The following PTPRD variants were observed in gnomAD, a reference collection of about 807,000 sequenced individuals.
The protein encoded by PTPRD is protein tyrosine phosphatase receptor type D.
A neutral mutation model predicts 214.5 loss-of-function variants in PTPRD; 34 were observed. That is an observed-to-expected ratio of 0.16 (90% confidence interval 0.12 to 0.21). The LOEUF (loss-of-function observed/expected upper bound fraction) is 0.21, where lower values mean the gene tolerates loss of function less well. Ranked by LOEUF, PTPRD falls within the 10% of genes least tolerant of loss-of-function variation. The pLI is 1.00. For missense variants in PTPRD, 2,545 were observed against 2,398.7 expected, an observed-to-expected ratio of 1.06 and a Z score of -1.27; for synonymous variants, 1,128 against 845.7, an observed-to-expected ratio of 1.33 and a Z score of -5.79.
At chr9:8,640,733 A>AC (rs997957748) in intron 12 of PTPRD, among the ~76,000 whole-genome samples, 38 of 151,884 alleles carry the variant, frequency 2.5e-4, no homozygotes, top group Middle Eastern at 6.8e-3. Flanking sequence ...GGCCTCACTG[A>AC]CAAGAAAATC....
chr9:8,512,588 T>C (rs944456569), intron 21 of PTPRD, among the ~76,000 whole-genome samples: 3 of 152,000 alleles, frequency 2.0e-5, no homozygotes, highest in Admixed American at 6.6e-5. Context: ...ACTTTTGCAA[T>C]GCCCAGAATT....
At chr9:10,130,874 C>A (rs2098866337) in intron 3 of PTPRD, among the ~76,000 whole-genome samples, 1 of 152,218 alleles carries the variant, frequency 6.6e-6, no homozygotes, top group South Asian at 2.1e-4. Context: ...AAACAAGGCT[C>A]TCAGACCTTC....
intron 11 of PTPRD, among the ~76,000 whole-genome samples, chr9:8,963,430 G>A (rs2099169064): frequency 6.6e-6 from 1 of 151,998 alleles, no homozygotes; most frequent in Non-Finnish European, 1.5e-5. Flanking sequence ...TTTTGTATGT[G>A]TTATATTTCA....
chr9:10,010,596 G>T (rs1317759514), intron 4 of PTPRD, among the ~76,000 whole-genome samples: 1 of 151,708 alleles, frequency 6.6e-6, no homozygotes, highest in African/African-American at 2.4e-5. Flanking sequence ...CAGGCAAGTT[G>T]TATACTCAAC....
chr9:10,045,889 T>C (rs1567290173), intron 3 of PTPRD, among the ~76,000 whole-genome samples: 1 of 151,770 alleles, frequency 6.6e-6, no homozygotes, highest in African/African-American at 2.4e-5. Context: ...ATCACAATTG[T>C]ATGATACCTC....
At position 8,571,262 on chromosome 9, in the gene PTPRD, G is replaced by T. The variant is rs550852090; in HGVS notation, c.353-42483C>A. 2.6e-5 allele frequency among the ~76,000 whole-genome samples: 4 copies of T among 152,128 alleles called. No homozygotes were observed. In the South Asian group the frequency reaches 8.3e-4, roughly 32 times the overall value. On this transcript the variant is annotated intron_variant, in intron 14 of 45. Transcript: ENST00000381196. ...CTTACTGTGCCTTGTGAATACTTAA[G>T]AGTTTAGGGTCTCCCTTAAGAGGCA...
chr9:8,494,791 C>T (rs905871942), intron 26 of PTPRD, among the ~76,000 whole-genome samples: 2 of 152,200 alleles, frequency 1.3e-5, no homozygotes, highest in African/African-American at 2.4e-5. Context: ...CGGCTGGACA[C>T]ACCTCCAACT....
At position 8,454,078 on chromosome 9, in the gene PTPRD, T is replaced by C. The variant is rs188835412; in HGVS notation, c.3876-4241A>G. On this transcript the variant is annotated intron_variant, in intron 33 of 45. Transcript: ENST00000381196. ...TTTTAGCTATTATTATTGCTCTTAT[T>C]ATTCAAGACTGGGAGACATGGATAA... Among the ~76,000 whole-genome samples the C allele has an allele frequency of 1.4e-4, 22 of 152,330 alleles. 1 individual carries two copies. The highest frequency in any genetic ancestry group is 4.6e-4 in the African/African-American group (19 of 41,568).
At chr9:9,372,928 A>G (rs1036973923) in intron 9 of PTPRD, among the ~76,000 whole-genome samples, 13 of 152,188 alleles carry the variant, frequency 8.5e-5, no homozygotes, top group East Asian at 5.8e-4. Context: ...AGAGTAATGC[A>G]CACTCTCCAT....
Position 10,602,085 on chromosome 9 carries a change from G to A in PTPRD, c.-600+10313C>T, listed in dbSNP as rs78265069. Among the ~76,000 whole-genome samples the A allele has an allele frequency of 2.6e-5, 4 of 151,766 alleles. No individual in the cohort carries two copies. In the East Asian group the frequency reaches 7.8e-4, roughly 30 times the overall value. Reference sequence around the variant, plus strand: ...TTCTATTTTATATATTTTAACTTCCGATTTTTGTATGTATTTTATGCATCC... The same window carrying A: ...TTCTATTTTATATATTTTAACTTCCAATTTTTGTATGTATTTTATGCATCC... On this transcript the variant is annotated intron_variant, in intron 2 of 45. Transcript: ENST00000381196.
At chr9:8,452,568 A>T (rs1233388821) in intron 33 of PTPRD, among the ~76,000 whole-genome samples, 1 of 152,234 alleles carries the variant, frequency 6.6e-6, no homozygotes, top group African/African-American at 2.4e-5. Flanking sequence ...ATGAATAGAA[A>T]CAGATTTTAA....
chr9:9,234,266 C>T (rs914410896), intron 9 of PTPRD, among the ~76,000 whole-genome samples: 1 of 152,192 alleles, frequency 6.6e-6, no homozygotes, highest in Non-Finnish European at 1.5e-5. Flanking sequence ...CCATGCTATA[C>T]CTTGGCCCCT....
chr9:10,523,665 A>G (rs1254971059), intron 2 of PTPRD, among the ~76,000 whole-genome samples: 3 of 134,234 alleles, frequency 2.2e-5, no homozygotes, highest in Non-Finnish European at 3.3e-5. Flanking sequence ...AGAAATAAAG[A>G]GAGAGAGAGA....
chr9:9,480,884 C>T (rs920433765), intron 8 of PTPRD, among the ~76,000 whole-genome samples: 1 of 152,108 alleles, frequency 6.6e-6, no homozygotes, highest in African/African-American at 2.4e-5. Context: ...AGAGATGGAA[C>T]TGTCAAAGGA....
intron 14 of PTPRD, among the ~76,000 whole-genome samples, chr9:8,553,417 G>C (rs1000160333): frequency 2.0e-5 from 3 of 152,126 alleles, no homozygotes; most frequent in African/African-American, 7.2e-5. Flanking sequence ...AATTTGGTTT[G>C]CTTTCATGTA....
chr9:9,603,649 T>C (rs2093942396), intron 7 of PTPRD, among the ~76,000 whole-genome samples: 1 of 151,946 alleles, frequency 6.6e-6, no homozygotes, highest in Admixed American at 6.6e-5. Flanking sequence ...GGATCTGAGT[T>C]TGGAGCTCCT....
intron 8 of PTPRD, among the ~76,000 whole-genome samples, chr9:9,483,319 T>A (rs1475216309): frequency 6.6e-6 from 1 of 152,164 alleles, no homozygotes; most frequent in African/African-American, 2.4e-5. Context: ...ACGTTGCCCT[T>A]ATGACATTAC....
chr9:9,652,551 C>T (rs1447995426), intron 7 of PTPRD, among the ~76,000 whole-genome samples: 2 of 151,906 alleles, frequency 1.3e-5, no homozygotes, highest in African/African-American at 2.4e-5. Flanking sequence ...TTGTGAAATC[C>T]TTCAGGACAA....
chr9:9,726,152 T>A (rs1019881648), intron 7 of PTPRD, among the ~76,000 whole-genome samples: 3 of 152,186 alleles, frequency 2.0e-5, no homozygotes, highest in Non-Finnish European at 4.4e-5. Context: ...GAAAATGTTA[T>A]CCCATAATTA....
Sources: allele counts gnomAD v4.1 joint callset (sites outside exome capture counted in the v4.1 genomes callset), GRCh38; gene constraint gnomAD v4.1.1; transcripts MANE v1.5; gene names NCBI Gene and HGNC (gene_info 2026-07-23, HGNC 2026-07-21).